SPINK2: variants seen among roughly 807,000 people sequenced by gnomAD.
SPINK2 encodes the protein serine peptidase inhibitor Kazal type 2, also known as serine protease inhibitor Kazal-type 2.
A neutral mutation model predicts 13.5 loss-of-function variants in SPINK2; 8 were observed. That is an observed-to-expected ratio of 0.59 (90% CI 0.35 to 1.07). The LOEUF is 1.07. Ranked by LOEUF, SPINK2 falls within the 50% of genes least tolerant of loss-of-function variation. The pLI is 0.02. For synonymous variants in SPINK2, 76 were observed against 74.7 expected (o/e 1.02, Z -0.09); for missense variants, 148 against 180.3 (o/e 0.82, Z 1.03).
chr4:56,821,823 G>A, upstream of SPINK2: 1 of 751,186 alleles, frequency 1.3e-6, no homozygotes, highest in Non-Finnish European at 2.0e-6. Context: ...GGCGGGAAGA[G>A]GAGCGGCGGG....
At chr4:56,820,453 C>A (rs1717839284) in intron 2 of SPINK2, 83 bp downstream of exon 2, 1 of 1,091,168 alleles carries the variant, frequency 9.2e-7, no homozygotes, top group African/African-American at 1.6e-5. Flanking sequence ...AGTGGCAGGT[C>A]AGACCTGAAA....
rs1392165867 is a variant in SPINK2, at chr4:56,821,597, C to T, written c.66G>A (p.Arg22=). Residue 22 remains arginine (R), a synonymous_variant, in exon 1 of 4, where the codon CGG becomes CGA. Coordinates refer to ENST00000506738, the MANE Select transcript of SPINK2 (RefSeq NM_001271718.2). ...GAGGTCCCCGCTCGCCAGGACCGCT[C>T]CGAGCGCTACCTGCGAAGGTAACTG... ...LLAVTFAGSA[R]SGPGERGPPE... 1.9e-6 allele frequency: 3 copies of T among 1,548,868 alleles called. No homozygotes were observed. Among genetic ancestry groups the T allele is most frequent in the Non-Finnish European group, 1.7e-6 (2 of 1,147,168 alleles).
At chr4:56,815,140 G>A (rs1717332576) in intron 2 of SPINK2, among the ~76,000 whole-genome samples, 1 of 151,756 alleles carries the variant, frequency 6.6e-6, no homozygotes. Flanking sequence ...ACCAGGAACA[G>A]AAGAGAACTT....
chr4:56,811,523 AC>A (rs1401368355), intron 3 of SPINK2, among the ~76,000 whole-genome samples, 161 bp downstream of exon 3: 1 of 152,016 alleles, frequency 6.6e-6, no homozygotes, highest in Non-Finnish European at 1.5e-5. Flanking sequence ...AGGCTGAGGC[AC>A]AAGAATTGCT....
chr4:56,818,028 G>C (rs1050386176), intron 2 of SPINK2, among the ~76,000 whole-genome samples: 2 of 152,172 alleles, frequency 1.3e-5, no homozygotes, highest in Admixed American at 6.6e-5. Context: ...TGAGGTTTTA[G>C]AGACTAATTG....
intron 2 of SPINK2, among the ~76,000 whole-genome samples, chr4:56,813,043 G>A (rs1455676924): frequency 2.0e-5 from 3 of 151,984 alleles, no homozygotes; most frequent in Non-Finnish European, 4.4e-5. Context: ...ATAGAAGAGC[G>A]GAGCGTGGTG....
intron 3 of SPINK2, among the ~76,000 whole-genome samples, chr4:56,811,096 T>C (rs1490591104): frequency 1.3e-5 from 2 of 152,342 alleles, no homozygotes; most frequent in South Asian, 2.1e-4. Flanking sequence ...AACTATTAAA[T>C]AGACTCTTAA....
chr4:56,815,001 G>A (rs2458556), intron 2 of SPINK2, among the ~76,000 whole-genome samples: 1 of 147,316 alleles, frequency 6.8e-6, no homozygotes, highest in African/African-American at 2.5e-5. Context: ...TGAGGCAGGA[G>A]AATCACACAG....
chr4:56,818,866 G>C lies in SPINK2; in HGVS notation c.249+1670C>G, dbSNP rs149815578. 3.7e-3 allele frequency among the ~76,000 whole-genome samples: 563 copies of C among 152,318 alleles called. 2 individuals carry two copies. Among genetic ancestry groups the C allele is most frequent in the African/African-American group, 0.013 (541 of 41,562 alleles). ...ACTAAAAGTGTTATTGGGCATCTGT[G>C]AGATGCTGAAGACTGAGCAACAAAT... On this transcript the variant is annotated intron_variant, in intron 2 of 3. Coordinates refer to ENST00000506738, the MANE Select transcript of SPINK2 (RefSeq NM_001271718.2).
intron 2 of SPINK2, 38 bp downstream of exon 2, chr4:56,820,498 T>G: frequency 6.4e-7 from 1 of 1,564,934 alleles, no homozygotes; most frequent in Non-Finnish European, 8.8e-7. Flanking sequence ...TGGGCTTCAC[T>G]GTATTAGTAG....
At chr4:56,821,371 AG>A (rs1378906500) in intron 1 of SPINK2, 86 bp downstream of exon 1, 7 of 1,417,658 alleles carry the variant, frequency 4.9e-6, no homozygotes, top group Non-Finnish European at 6.4e-6. Context: ...GTGTCCTTAG[AG>A]CTGGGAGCGA....
Position 56,820,395 on chromosome 4 carries a change from G to A in SPINK2, c.249+141C>T, listed in dbSNP as rs138022942. 291 of 620,068 alleles carry A rather than the reference G, an allele frequency of 4.7e-4. 1 individual carries two copies. The African/African-American group carries it at 5.1e-3, about 11-fold the overall frequency. The allele number at this position is 620,068 out of a possible 1,614,324, so 38.4% of individuals were successfully genotyped here. ...ACTTACACTTTTATCTGAATCAAAA[G>A]GCCTGCCTGACAACCTGGTTTTAAA... On this transcript the variant is annotated intron_variant, in intron 2 of 3. Coordinates refer to ENST00000506738, the MANE Select transcript of SPINK2 (RefSeq NM_001271718.2).
At chr4:56,814,026 C>T (rs776033622) in intron 2 of SPINK2, among the ~76,000 whole-genome samples, 2 of 150,346 alleles carry the variant, frequency 1.3e-5, no homozygotes, top group African/African-American at 4.9e-5. Flanking sequence ...CAAGTTCAGG[C>T]GATTCTCCTG....
intron 2 of SPINK2, among the ~76,000 whole-genome samples, chr4:56,819,907 G>A (rs112943852): frequency 0.065 from 9,822 of 152,108 alleles, 458 homozygotes; most frequent in African/African-American, 0.13. Context: ...GAGTCACTGC[G>A]CCCAGCTGCA....
chr4:56,818,236 A>G lies in SPINK2; in HGVS notation c.249+2300T>C, dbSNP rs528255249. On this transcript the variant is annotated intron_variant, in intron 2 of 3. Coordinates refer to ENST00000506738, the MANE Select transcript of SPINK2 (RefSeq NM_001271718.2). Reference sequence around the variant, plus strand: ...TTTTTTCTTAAGACTGGTCAAGCGAAGCAGTGGAATAGAAAAGGAACAGAG... The same window carrying G: ...TTTTTTCTTAAGACTGGTCAAGCGAGGCAGTGGAATAGAAAAGGAACAGAG... The G allele has an allele frequency of 2.6e-5, 4 of 152,342 alleles. No homozygotes were observed. In the South Asian group the frequency reaches 8.3e-4, roughly 32 times the overall value. 9.4% of individuals were successfully genotyped at this position (152,342 alleles called of 1,614,324 possible).
rs1329619810 is a variant in SPINK2, at chr4:56,820,543, T to C, written c.242A>G (p.Tyr81Cys). The C allele has an allele frequency of 2.5e-6, 4 of 1,610,920 alleles. No individual in the cohort carries two copies. The highest frequency in any genetic ancestry group is 3.4e-6 in the Non-Finnish European group (4 of 1,177,628). ...LIPQFGLFSK[Y>C]RTPNCSQYRL... The stretch of plus-strand genomic sequence containing the variant: ...AAGTGGTTTGCTACTTACCGTTCTA[T>C]ATTTTGAAAACAGACCAAATTGAGG... The change falls in exon 2 of 4, where the codon TAT becomes TGT. Residue 81 changes from tyrosine to cysteine, a missense_variant. By Grantham distance (194) the Tyr-to-Cys change is radical (BLOSUM62 -2). Transcript: ENST00000506738.
intron 3 of SPINK2, chr4:56,810,444 T>C (rs1716884728): frequency 4.7e-6 from 2 of 421,668 alleles, no homozygotes; most frequent in Non-Finnish European, 8.4e-6. Context: ...GGCTCATGCC[T>C]GTAATCCTAG....
intron 3 of SPINK2, among the ~76,000 whole-genome samples, chr4:56,811,043 T>C (rs1055814739): frequency 6.6e-6 from 1 of 152,202 alleles, no homozygotes; most frequent in Non-Finnish European, 1.5e-5. Context: ...CACCTACACA[T>C]GCCCTTTGAA....
intron 2 of SPINK2, among the ~76,000 whole-genome samples, chr4:56,812,272 T>C (rs1015729277): frequency 1.3e-5 from 2 of 149,906 alleles, no homozygotes; most frequent in African/African-American, 4.9e-5. Context: ...AAAAGGACTT[T>C]GGCTGGGAGC....
Sources: gnomAD v4.1 joint callset for allele counts (sites outside exome capture counted in the v4.1 genomes callset) on GRCh38, gnomAD v4.1.1 for gene constraint, MANE v1.5 for transcripts, NCBI Gene and HGNC (gene_info 2026-07-23, HGNC 2026-07-21) for gene names.